Variants in VPS33A observed in about 807,000 individuals in gnomAD.
VPS33A encodes VPS33A core subunit of CORVET and HOPS complexes.
VPS33A carries 32 observed loss-of-function variants against 71.8 expected under a neutral mutation model. That is an observed-to-expected ratio of 0.45 (90% confidence interval 0.34 to 0.60). The LOEUF (loss-of-function observed/expected upper bound fraction) is 0.60, where lower values mean the gene tolerates loss of function less well. Among genes scored for constraint, VPS33A ranks in the 20% least tolerant of loss-of-function variants. The probability of loss-of-function intolerance (pLI) is 0.02; values close to 1 mark genes in which losing one functional copy is unlikely to be tolerated. For synonymous variants in VPS33A, 311 were observed against 292.7 expected (o/e 1.06, Z -0.64); for missense variants, 625 against 748.5 (o/e 0.84, Z 1.92).
At chr12:122,259,207 A>ATGTGTGTATGTATGTATGTATGTT (rs1954960114) in intron 4 of VPS33A, among the ~76,000 whole-genome samples, 2 of 150,806 alleles carry the variant, frequency 1.3e-5, no homozygotes, top group East Asian at 3.9e-4. Context: ...GTATGTATGT[A>ATGTGTGTATGTATGTATGTATGTT]TGTATGTATG....
chr12:122,231,115 G>C lies in VPS33A; in HGVS notation c.*1131C>G, dbSNP rs1954554996. On this transcript the variant is annotated 3_prime_UTR_variant, in exon 13 of 13. Transcript: ENST00000267199. ...CCAGTTGGATGTTGGGCCCTTGATG[G>C]ACAGAAGAGAAAACGGAAACCTCAA... 6.6e-6 allele frequency: 1 copy of C among 152,218 alleles called. No individual in the cohort carries two copies. The highest frequency in any genetic ancestry group is 1.5e-5 in the Non-Finnish European group (1 of 68,060). 9.4% of individuals were successfully genotyped at this position (152,218 alleles called of 1,614,324 possible).
Position 122,239,749 on chromosome 12 carries a change from C to CAAAAAAAAAAAAAAAAA in VPS33A, c.1164+112_1164+128dup. ...GGTGACACACAGTGAGACTCCGTCT[C>CAAAAAAAAAAAAAAAAA]AAAAAAAAAAAAAAAAAAAAAAAAA... On this transcript the variant is annotated intron_variant, in intron 9 of 12. Coordinates refer to ENST00000267199, the MANE Select transcript of VPS33A (RefSeq NM_022916.6). The CAAAAAAAAAAAAAAAAA allele has an allele frequency of 1.1e-3, 215 of 197,844 alleles. 42 individuals are homozygous for CAAAAAAAAAAAAAAAAA. The highest frequency in any genetic ancestry group is 3.2e-3 in the East Asian group (9 of 2,778). 12.3% of individuals were successfully genotyped at this position (197,844 alleles called of 1,614,324 possible).
At chr12:122,244,381 C>T (rs1592916979) in intron 7 of VPS33A, among the ~76,000 whole-genome samples, 188 bp downstream of exon 7, 3 of 152,180 alleles carry the variant, frequency 2.0e-5, no homozygotes, top group Non-Finnish European at 1.5e-5. Flanking sequence ...TTACGCAACG[C>T]GGGTCTGAGA....
At chr12:122,261,517 C>T (rs1031725267) in intron 3 of VPS33A, 70 bp from the exon 4 acceptor site, 19 of 1,442,620 alleles carry the variant, frequency 1.3e-5, no homozygotes, top group Non-Finnish European at 1.8e-5. Flanking sequence ...TTTTTTTATC[C>T]CCACTGCCTG....
Position 122,230,855 on chromosome 12 carries a change from C to G in VPS33A, c.*1391G>C, listed in dbSNP as rs2136118083. ...ACTTCTCCTCCAACACCCCTGCCCC[C>G]CACCACAGCCTGACAGTCTCCTGCA... On this transcript the variant is annotated 3_prime_UTR_variant, in exon 13 of 13. Transcript: ENST00000267199. The G allele has an allele frequency of 6.6e-6, 1 of 152,414 alleles. No individual in the cohort carries two copies. Among genetic ancestry groups the G allele is most frequent in the South Asian group, 2.1e-4 (1 of 4,822 alleles). 9.4% of individuals were successfully genotyped at this position (152,414 alleles called of 1,614,324 possible). A position where few individuals can be genotyped will look rare whatever the true frequency, so the allele number is the denominator to read the frequency against.
chr12:122,242,691 T>C (rs1440100070), intron 7 of VPS33A, among the ~76,000 whole-genome samples, 183 bp from the exon 8 acceptor site: 1 of 152,164 alleles, frequency 6.6e-6, no homozygotes, highest in Non-Finnish European at 1.5e-5. Context: ...TAGCTGGGAT[T>C]ACAGGTGCCC....
intron 6 of VPS33A, among the ~76,000 whole-genome samples, chr12:122,245,147 T>C (rs1441838428): frequency 6.6e-6 from 1 of 152,178 alleles, no homozygotes; most frequent in African/African-American, 2.4e-5. Context: ...AGTAGCATCT[T>C]AAAACCAAAA....
intron 4 of VPS33A, among the ~76,000 whole-genome samples, chr12:122,259,833 CATA>C (rs1954969001): frequency 6.6e-6 from 1 of 151,306 alleles, no homozygotes; most frequent in Non-Finnish European, 1.5e-5. Flanking sequence ...GCCTGGACAA[CATA>C]ATAAGACGCT....
intron 10 of VPS33A, 71 bp downstream of exon 10, chr12:122,238,516 C>T: frequency 6.5e-7 from 1 of 1,533,486 alleles, no homozygotes; most frequent in East Asian, 2.3e-5. Flanking sequence ...GCCACTGTGC[C>T]CGGCCCATGA....
Position 122,266,468 on chromosome 12 carries a change from A to G in VPS33A, c.-60T>C. 4.4e-6 allele frequency: 7 copies of G among 1,574,008 alleles called. No individual in the cohort carries two copies. The highest frequency in any genetic ancestry group is 2.3e-5 in the East Asian group (1 of 42,994). ...CGAGTCCGCCGGTTCCTACGGGAGG[A>G]CCACGGACGCAGTCACGTGACCAAA... On this transcript the variant is annotated 5_prime_UTR_variant, in exon 1 of 13. Transcript: ENST00000267199.
In VPS33A at chr12:122,242,321, T is replaced by C. The variant is rs991554256; in HGVS notation, c.1096+61A>G. The C allele has an allele frequency of 2.5e-6, 4 of 1,583,640 alleles. No homozygotes were observed. The East Asian group carries it at 9.0e-5, about 36-fold the overall frequency. On this transcript the variant is annotated intron_variant, in intron 8 of 12. Coordinates refer to ENST00000267199, the MANE Select transcript of VPS33A (RefSeq NM_022916.6). ...GGCATTGTGGTGTTGATGACCTAGG[T>C]GTCAAACGTTGTATGTGCAAGTAGC...
At position 122,235,938 on chromosome 12, in the gene VPS33A, AT is replaced by A; in HGVS notation, c.1303-16del. 6.3e-7 allele frequency: 1 copy of A among 1,589,626 alleles called. No individual in the cohort carries two copies. The highest frequency in any genetic ancestry group is 8.6e-7 in the Non-Finnish European group (1 of 1,169,584). Reference sequence around the variant, plus strand: ...TAGCCGTATGTCTGCAAGGGAAGTCATTTGGCCTTGATGTCAGATCAGGAAA... The same window carrying A: ...TAGCCGTATGTCTGCAAGGGAAGTCATTGGCCTTGATGTCAGATCAGGAAA... On this transcript the variant is annotated splice_polypyrimidine_tract_variant and intron_variant, in intron 10 of 12. Coordinates refer to ENST00000267199, the MANE Select transcript of VPS33A (RefSeq NM_022916.6).
At position 122,259,187 on chromosome 12, in the gene VPS33A, G is replaced by GTGTGTGTA. The variant is rs776992323; in HGVS notation, c.483+2073_483+2074insTACACACA. Among the ~76,000 whole-genome samples, 762 of 144,730 alleles carry GTGTGTGTA rather than the reference G, an allele frequency of 5.3e-3. 5 individuals carry two copies. Among genetic ancestry groups the GTGTGTGTA allele is most frequent in the South Asian group, 8.1e-3 (36 of 4,450 alleles). 94.9% of individuals were successfully genotyped at this position (144,730 alleles called of 152,430 possible). On this transcript the variant is annotated intron_variant, in intron 4 of 12. Transcript: ENST00000267199. The stretch of plus-strand genomic sequence containing the variant: ...GGGGTGTGTGTGTGTGTATGTATGT[G>GTGTGTGTA]TGTATGTATGTATGTATGTATGTAT...
chr12:122,258,057 A>T (rs1345740527), intron 4 of VPS33A, among the ~76,000 whole-genome samples: 1 of 152,098 alleles, frequency 6.6e-6, no homozygotes, highest in African/African-American at 2.4e-5. Flanking sequence ...TACATACAGA[A>T]TTAACTTAAA....
intron 4 of VPS33A, among the ~76,000 whole-genome samples, chr12:122,258,429 A>G (rs1236938650): frequency 6.6e-6 from 1 of 152,128 alleles, no homozygotes; most frequent in African/African-American, 2.4e-5. Flanking sequence ...GAACTCACAG[A>G]ACAAAAGAAA....
intron 1 of VPS33A, among the ~76,000 whole-genome samples, chr12:122,264,495 A>G (rs1955040941): frequency 6.6e-6 from 1 of 152,038 alleles, no homozygotes; most frequent in Non-Finnish European, 1.5e-5. Context: ...GGTTCAAGTG[A>G]TTCTCCTGCC....
chr12:122,261,607 A>C (rs923658830), intron 3 of VPS33A, among the ~76,000 whole-genome samples, 160 bp from the exon 4 acceptor site: 11 of 152,010 alleles, frequency 7.2e-5, no homozygotes, highest in African/African-American at 2.7e-4. Context: ...AGTGGCTCAC[A>C]CCTGTAATCT....
chr12:122,244,190 A>C (rs1954748340), intron 7 of VPS33A, among the ~76,000 whole-genome samples: 1 of 152,170 alleles, frequency 6.6e-6, no homozygotes, highest in African/African-American at 2.4e-5. Context: ...CACACTGGCT[A>C]AACTTGAGTT....
intron 7 of VPS33A, 90 bp downstream of exon 7, chr12:122,244,479 G>T: frequency 1.7e-6 from 2 of 1,161,144 alleles, no homozygotes; most frequent in Non-Finnish European, 2.4e-6. Context: ...TGGTTTAATG[G>T]CTACATATTT....
Sources: gnomAD v4.1 joint callset for allele counts (sites outside exome capture counted in the v4.1 genomes callset) on GRCh38, gnomAD v4.1.1 for gene constraint, MANE v1.5 for transcripts, NCBI Gene and HGNC (gene_info 2026-07-23, HGNC 2026-07-21) for gene names.